CADM2: variants seen among roughly 807,000 people sequenced by gnomAD.
CADM2 encodes immunoglobulin superfamily member 4D.
CADM2 carries 12 observed loss-of-function variants against 49.8 expected under a neutral mutation model. That is an observed-to-expected ratio of 0.24 (90% CI 0.15 to 0.39). The LOEUF (loss-of-function observed/expected upper bound fraction) is 0.39, where lower values mean the gene tolerates loss of function less well. Ranked by LOEUF, CADM2 falls within the 10% of genes least tolerant of loss-of-function variation. CADM2 has a pLI of 1.00. For synonymous variants in CADM2, 214 were observed against 175.4 expected (o/e 1.22, Z -1.74); for missense variants, 378 against 492.3 (o/e 0.77, Z 2.20).
intron 1 of CADM2, among the ~76,000 whole-genome samples, chr3:85,314,036 C>T (rs928549176): frequency 7.9e-5 from 12 of 152,172 alleles, no homozygotes; most frequent in Admixed American, 2.6e-4. Context: ...GACTAAGGCG[C>T]GTGCCACCAC....
rs111452169 is a variant in CADM2 at position 85,235,914 on chromosome 3, A to G, written c.61+276246A>G. Among the ~76,000 whole-genome samples, 1,053 of 152,238 alleles carry G rather than the reference A, an allele frequency of 6.9e-3. 10 individuals are homozygous for G. Among genetic ancestry groups the G allele is most frequent in the African/African-American group, 0.023 (962 of 41,556 alleles). On this transcript the variant is annotated intron_variant, in intron 1 of 9. Transcript: ENST00000383699. ...CACTAAAGCTCTTATTTTACGCTGT[A>G]TATTTTGTTGAAGCATCCTGTAGAT...
At position 85,976,895 on chromosome 3, in the gene CADM2, A is replaced by T. The variant is rs534225714; in HGVS notation, c.970+15248A>T. Reference sequence around the variant, plus strand: ...GTTGTTTTGAAGTGGATTAACAATTATTAAAACTACTCATCTTTTTAGGTT... The same window carrying T: ...GTTGTTTTGAAGTGGATTAACAATTTTTAAAACTACTCATCTTTTTAGGTT... On this transcript the variant is annotated intron_variant, in intron 8 of 9. Transcript: ENST00000383699. 4.9e-4 allele frequency among the ~76,000 whole-genome samples: 75 copies of T among 151,718 alleles called. 1 individual carries two copies. The South Asian group carries it at 0.015, about 30-fold the overall frequency.
intron 1 of CADM2, among the ~76,000 whole-genome samples, chr3:85,518,790 A>T (rs994575922): frequency 1.3e-5 from 2 of 152,104 alleles, no homozygotes; most frequent in African/African-American, 2.4e-5. Flanking sequence ...ATGGCATTTA[A>T]GGCCTACCCA....
At chr3:85,149,404 A>T (rs2039850905) in intron 1 of CADM2, among the ~76,000 whole-genome samples, 1 of 152,102 alleles carries the variant, frequency 6.6e-6, no homozygotes, top group Admixed American at 6.6e-5. Flanking sequence ...TATAGCAGCA[A>T]AAATGGACTA....
At chr3:85,403,958 A>G (rs2035247796) in intron 1 of CADM2, among the ~76,000 whole-genome samples, 1 of 152,120 alleles carries the variant, frequency 6.6e-6, no homozygotes, top group South Asian at 2.1e-4. Context: ...TCAGATATTC[A>G]AAAACTGGCT....
At chr3:85,437,614 T>C (rs962553968) in intron 1 of CADM2, among the ~76,000 whole-genome samples, 35 of 152,086 alleles carry the variant, frequency 2.3e-4, no homozygotes, top group Non-Finnish European at 4.6e-4. Context: ...AGTTGGAGTG[T>C]CTTTTAATAT....
At chr3:85,922,967 G>A (rs1719334537) in intron 6 of CADM2, among the ~76,000 whole-genome samples, 2 of 151,504 alleles carry the variant, frequency 1.3e-5, no homozygotes, top group South Asian at 4.2e-4. Context: ...GACTATAGGC[G>A]CCCGCCACCA....
At chr3:85,262,776 G>T (rs1402898940) in intron 1 of CADM2, among the ~76,000 whole-genome samples, 1 of 151,844 alleles carries the variant, frequency 6.6e-6, no homozygotes, top group East Asian at 1.9e-4. Context: ...CCTCAAATTT[G>T]AGTTGCCGCA....
intron 1 of CADM2, among the ~76,000 whole-genome samples, chr3:85,068,881 T>C (rs2036623575): frequency 6.6e-6 from 1 of 152,122 alleles, no homozygotes; most frequent in Admixed American, 6.6e-5. Flanking sequence ...TGAAGATTGT[T>C]CTATGGTAAT....
intron 8 of CADM2, among the ~76,000 whole-genome samples, chr3:86,051,140 G>C (rs1305522315): frequency 6.6e-6 from 1 of 152,176 alleles, no homozygotes; most frequent in Non-Finnish European, 1.5e-5. Context: ...GAAGCAGCCA[G>C]ATCAAATCTT....
intron 1 of CADM2, among the ~76,000 whole-genome samples, chr3:85,015,136 CAT>C (rs1407400549): frequency 1.3e-5 from 2 of 151,824 alleles, no homozygotes; most frequent in African/African-American, 2.4e-5. Context: ...TATATAAACA[CAT>C]ATATGTGTAT....
At chr3:85,151,134 C>T (rs1486337292) in intron 1 of CADM2, among the ~76,000 whole-genome samples, 2 of 151,976 alleles carry the variant, frequency 1.3e-5, no homozygotes, top group Non-Finnish European at 2.9e-5. Context: ...CTACGCCTGG[C>T]CTGAGCCTAG....
At chr3:85,904,565 A>T (rs1394622285) in intron 5 of CADM2, among the ~76,000 whole-genome samples, 2 of 152,186 alleles carry the variant, frequency 1.3e-5, no homozygotes, top group East Asian at 1.9e-4. Context: ...CTAGTTTTTT[A>T]AAATAATTAT....
chr3:85,163,309 A>G (rs1239113559), intron 1 of CADM2, among the ~76,000 whole-genome samples: 1 of 152,086 alleles, frequency 6.6e-6, no homozygotes, highest in Non-Finnish European at 1.5e-5. Context: ...TGTTTGAGGC[A>G]GACCTTTAAA....
intron 2 of CADM2, among the ~76,000 whole-genome samples, chr3:85,781,995 T>C (rs575004684): frequency 6.6e-6 from 1 of 152,340 alleles, no homozygotes; most frequent in South Asian, 2.1e-4. Context: ...CTTTGCTACT[T>C]TGCTCAAAAC....
At chr3:85,602,985 A>G (rs910851459) in intron 1 of CADM2, among the ~76,000 whole-genome samples, 1 of 151,784 alleles carries the variant, frequency 6.6e-6, no homozygotes, top group African/African-American at 2.4e-5. Flanking sequence ...GACTTACACA[A>G]GCAGAGTTAA....
At chr3:85,420,328 T>G (rs2036111411) in intron 1 of CADM2, among the ~76,000 whole-genome samples, 1 of 152,218 alleles carries the variant, frequency 6.6e-6, no homozygotes, top group African/African-American at 2.4e-5. Flanking sequence ...GAAATATGTG[T>G]CACAGTCATT....
At chr3:85,552,011 G>C (rs1245013451) in intron 1 of CADM2, among the ~76,000 whole-genome samples, 1 of 42,096 alleles carries the variant, frequency 2.4e-5, no homozygotes, top group African/African-American at 3.8e-5. Context: ...TATATTTGTA[G>C]GATCCTTCTT....
intron 1 of CADM2, among the ~76,000 whole-genome samples, chr3:85,015,404 T>C (rs2034209121): frequency 6.6e-6 from 1 of 152,188 alleles, no homozygotes; most frequent in South Asian, 2.1e-4. Flanking sequence ...TTCTTCATGA[T>C]TATATTACTC....
Sources: gnomAD v4.1 joint callset for allele counts (sites outside exome capture counted in the v4.1 genomes callset) on GRCh38, gnomAD v4.1.1 for gene constraint, MANE v1.5 for transcripts, NCBI Gene and HGNC (gene_info 2026-07-23, HGNC 2026-07-21) for gene names.